Variants in PECR observed in about 807,000 individuals in gnomAD.
The protein encoded by PECR is peroxisomal trans-2-enoyl-CoA reductase, also known as 2,4-dienoyl-CoA reductase-related protein.
A neutral mutation model predicts 35.3 loss-of-function variants in PECR; 30 were observed. The observed-to-expected ratio is 0.85, with a 90% CI of 0.64 to 1.15. The LOEUF is 1.15. PECR is among the 50% of genes most tolerant of loss of function. The probability of loss-of-function intolerance (pLI) is 0.00; values close to 1 mark genes in which losing one functional copy is unlikely to be tolerated. For missense variants in PECR, 392 were observed against 370.8 expected, an observed-to-expected ratio of 1.06 and a Z score of -0.47; for synonymous variants, 148 against 138.9, an observed-to-expected ratio of 1.07 and a Z score of -0.46.
intron 6 of PECR, among the ~76,000 whole-genome samples, chr2:216,046,855 A>C (rs1013380357): frequency 1.3e-5 from 2 of 152,252 alleles, no homozygotes; most frequent in African/African-American, 4.8e-5. Context: ...TCATTGCAGA[A>C]TTACTGCAAG....
At chr2:216,048,485 G>A (rs1045927867) in intron 6 of PECR, among the ~76,000 whole-genome samples, 18 of 151,966 alleles carry the variant, frequency 1.2e-4, no homozygotes, top group South Asian at 2.1e-4. Context: ...TGAGGTGGGC[G>A]TATCACTTAA....
intron 1 of PECR, among the ~76,000 whole-genome samples, chr2:216,076,925 G>A (rs1695713297): frequency 2.0e-5 from 3 of 147,442 alleles, no homozygotes; most frequent in Non-Finnish European, 4.5e-5. Flanking sequence ...TTTTGAGATG[G>A]AGTTTCGCTC....
chr2:216,055,003 A>G (rs1049994376), intron 4 of PECR, among the ~76,000 whole-genome samples: 2 of 151,408 alleles, frequency 1.3e-5, no homozygotes, highest in East Asian at 3.9e-4. Flanking sequence ...TCCCAGCTAC[A>G]TGGGAGGCTG....
At chr2:216,054,142 C>G (rs1045686322) in intron 4 of PECR, among the ~76,000 whole-genome samples, 1 of 151,756 alleles carries the variant, frequency 6.6e-6, no homozygotes, top group African/African-American at 2.4e-5. Flanking sequence ...AAAATTTTAG[C>G]TGGGCATGGT....
At chr2:216,059,179 G>A (rs553743212) in intron 3 of PECR, among the ~76,000 whole-genome samples, 53 of 152,174 alleles carry the variant, frequency 3.5e-4, no homozygotes, top group African/African-American at 1.2e-3. Flanking sequence ...ATAAATATAC[G>A]GAGTTATGCA....
chr2:216,039,524 G>A (rs988883743), intron 7 of PECR, among the ~76,000 whole-genome samples, 164 bp from the exon 8 acceptor site: 1 of 152,190 alleles, frequency 6.6e-6, no homozygotes, highest in African/African-American at 2.4e-5. Context: ...TGAATCTCAG[G>A]TCTGCCACAC....
Position 216,043,934 on chromosome 2 carries a change from T to C in PECR, c.796A>G (p.Ser266Gly), listed in dbSNP as rs137883002. 1,428 of 1,608,916 alleles carry C rather than the reference T, an allele frequency of 8.9e-4. 15 individuals carry two copies. In the African/African-American group the frequency reaches 0.017, roughly 19 times the overall value. ...GQSVDVDGGRSLYTHSYEVPD... is the reference protein window; with the variant it reads ...GQSVDVDGGRGLYTHSYEVPD... Reference sequence around the variant, plus strand: ...ACCTCATACGAGTGAGTATAGAGACTCCGGCCCCCATCCACATCCACCGAC... The same window carrying C: ...ACCTCATACGAGTGAGTATAGAGACCCCGGCCCCCATCCACATCCACCGAC... The change falls in exon 7 of 8, where the codon AGT (serine) becomes GGT (glycine). Residue 266 changes from serine (S) to glycine (G), a missense_variant. Ser to Gly is a moderately conservative substitution (Grantham distance 56). Transcript: ENST00000265322.
At chr2:216,031,342 G>A (rs1318011303) in intron 7 of PECR, among the ~76,000 whole-genome samples, 1 of 151,952 alleles carries the variant, frequency 6.6e-6, no homozygotes, top group Non-Finnish European at 1.5e-5. Flanking sequence ...AAGAGGCAGA[G>A]GTTGCAGTGA....
chr2:216,039,101 A>G lies in PECR; in HGVS notation c.*174T>C. ...TTAAATCATAGGTTAAAAGACTCTGATTGGGACATAAGACTGTATATATTT... is the reference window on the plus strand; with the variant it reads ...TTAAATCATAGGTTAAAAGACTCTGGTTGGGACATAAGACTGTATATATTT... On this transcript the variant is annotated 3_prime_UTR_variant, in exon 8 of 8. Coordinates refer to ENST00000265322, the MANE Select transcript of PECR (RefSeq NM_018441.6). 1 of 552,414 alleles carries G rather than the reference A, an allele frequency of 1.8e-6. No individual in the cohort carries two copies. Among genetic ancestry groups the G allele is most frequent in the South Asian group, 2.1e-5 (1 of 47,028 alleles). The allele number at this position is 552,414 out of a possible 1,614,324, so 34.2% of individuals were successfully genotyped here.
intron 4 of PECR, among the ~76,000 whole-genome samples, chr2:216,054,764 C>T (rs1313082337): frequency 6.6e-6 from 1 of 152,156 alleles, no homozygotes; most frequent in Non-Finnish European, 1.5e-5. Flanking sequence ...ATTCTACAGT[C>T]ATAGATGTTG....
At chr2:216,030,785 A>C (rs1450207614) in intron 7 of PECR, among the ~76,000 whole-genome samples, 1 of 148,092 alleles carries the variant, frequency 6.8e-6, no homozygotes, top group Non-Finnish European at 1.5e-5. Flanking sequence ...CTGGTCTTGA[A>C]CTCTTGACCT....
At chr2:216,047,032 T>C (rs937286797) in intron 6 of PECR, among the ~76,000 whole-genome samples, 13 of 151,774 alleles carry the variant, frequency 8.6e-5, no homozygotes, top group African/African-American at 2.9e-4. Flanking sequence ...CTTTGGGAGG[T>C]TGAGGCAGGT....
chr2:216,077,540 G>A (rs1262094141), intron 1 of PECR, among the ~76,000 whole-genome samples: 1 of 151,512 alleles, frequency 6.6e-6, no homozygotes, highest in Non-Finnish European at 1.5e-5. Flanking sequence ...GGGTGCAGTG[G>A]CTCACGCCTG....
chr2:216,073,121 A>C (rs887315777), intron 1 of PECR, among the ~76,000 whole-genome samples: 2 of 152,232 alleles, frequency 1.3e-5, no homozygotes, highest in Non-Finnish European at 2.9e-5. Context: ...GCCTTGCCTA[A>C]CTTTAAAATG....
chr2:216,067,870 A>G lies in PECR; in HGVS notation c.125-1352T>C, dbSNP rs145178023. ...TCAGTATATGGCATCCAACAAAAAG[A>G]ACTACCAGGCATGCCAAGGAACAGG... On this transcript the variant is annotated intron_variant, in intron 1 of 7. Coordinates refer to ENST00000265322, the MANE Select transcript of PECR (RefSeq NM_018441.6). Among the ~76,000 whole-genome samples the G allele has an allele frequency of 3.6e-3, 552 of 152,258 alleles. 4 individuals carry two copies. The highest frequency in any genetic ancestry group is 0.01 in the Middle Eastern group (3 of 294).
At chr2:216,042,626 A>G (rs1054722279) in intron 7 of PECR, among the ~76,000 whole-genome samples, 2 of 152,180 alleles carry the variant, frequency 1.3e-5, no homozygotes, top group Admixed American at 6.5e-5. Context: ...GTTGTTTATA[A>G]AACTAGGATA....
At chr2:216,053,809 C>T (rs1000201554) in intron 4 of PECR, among the ~76,000 whole-genome samples, 3 of 152,126 alleles carry the variant, frequency 2.0e-5, no homozygotes, top group Admixed American at 2.0e-4. Flanking sequence ...AATGCAATCT[C>T]TAGCTTCCCT....
intron 1 of PECR, among the ~76,000 whole-genome samples, chr2:216,075,211 G>T (rs1021779194): frequency 3.9e-5 from 6 of 152,092 alleles, no homozygotes; most frequent in African/African-American, 1.4e-4. Flanking sequence ...AGGCTGCAGT[G>T]AGCTATGATG....
chr2:216,061,126 TACCA>T (rs1453319650), intron 3 of PECR, among the ~76,000 whole-genome samples: 3 of 61,792 alleles, frequency 4.9e-5, no homozygotes, highest in African/African-American at 2.1e-4. Flanking sequence ...ACCCCGGCTC[TACCA>T]AAAAAAAAAA....
Sources: gnomAD v4.1 joint callset for allele counts (sites outside exome capture counted in the v4.1 genomes callset) on GRCh38, gnomAD v4.1.1 for gene constraint, MANE v1.5 for transcripts, NCBI Gene and HGNC (gene_info 2026-07-23, HGNC 2026-07-21) for gene names.